The following ASXL3 variants were observed in gnomAD, a reference collection of about 807,000 sequenced individuals.
ASXL3 encodes the protein ASXL transcriptional regulator 3.
In ASXL3, 34 loss-of-function variants were observed where a neutral mutation model predicts 170.6. The observed-to-expected ratio is 0.20, with a 90% CI of 0.15 to 0.27. The LOEUF (loss-of-function observed/expected upper bound fraction) is 0.27, where lower values mean the gene tolerates loss of function less well. ASXL3 is among the 10% of genes least tolerant of loss of function. The probability of loss-of-function intolerance (pLI) is 1.00; values close to 1 mark genes in which losing one functional copy is unlikely to be tolerated. For synonymous variants in ASXL3, 1,002 were observed against 989.1 expected (o/e 1.01, Z -0.24); for missense variants, 2,592 against 2,695.3 (o/e 0.96, Z 0.85).
rs911856074 is a variant in ASXL3 at position 33,674,867 on chromosome 18, C to A, written c.715+3001C>A. ...TCTCCTGACCTCATGATCCACCTGCCTCGGCTTCCCAAAGTGCTGGGATTA... is the reference window on the plus strand; with the variant it reads ...TCTCCTGACCTCATGATCCACCTGCATCGGCTTCCCAAAGTGCTGGGATTA... On this transcript the variant is annotated intron_variant, in intron 7 of 11. Transcript: ENST00000269197. Among the ~76,000 whole-genome samples the A allele has an allele frequency of 4.6e-5, 7 of 152,276 alleles. No homozygotes were observed. In the East Asian group the frequency reaches 1.2e-3, roughly 25 times the overall value.
At chr18:33,643,017 T>G (rs956137336) in intron 2 of ASXL3, among the ~76,000 whole-genome samples, 1 of 151,900 alleles carries the variant, frequency 6.6e-6, no homozygotes, top group Non-Finnish European at 1.5e-5. Flanking sequence ...TTAAGTTATA[T>G]TTTTAAAATT....
intron 8 of ASXL3, among the ~76,000 whole-genome samples, chr18:33,704,604 A>T (rs72947450): frequency 0.069 from 10,487 of 152,122 alleles, 374 homozygotes; most frequent in South Asian, 0.11. Flanking sequence ...GCAGTCAGAT[A>T]TGCAAACTTA....
At chr18:33,578,916 G>A in intron 1 of ASXL3, 1 of 195,880 alleles carries the variant, frequency 5.1e-6, no homozygotes. Flanking sequence ...GTCCGGGACC[G>A]CCCGGGACAC....
chr18:33,596,553 T>C (rs1480916087), intron 1 of ASXL3, among the ~76,000 whole-genome samples: 3 of 152,204 alleles, frequency 2.0e-5, no homozygotes, highest in Non-Finnish European at 4.4e-5. Context: ...TCTAAAGATA[T>C]ATTTTACAAC....
At chr18:33,661,435 C>T (rs115103510) in intron 4 of ASXL3, among the ~76,000 whole-genome samples, 181 bp from the exon 5 acceptor site, 331 of 152,084 alleles carry the variant, frequency 2.2e-3, no homozygotes, top group African/African-American at 7.7e-3. Context: ...AATGGAATTG[C>T]GGCCACACAG....
intron 8 of ASXL3, among the ~76,000 whole-genome samples, chr18:33,724,140 C>G (rs1218641166): frequency 6.6e-6 from 1 of 152,048 alleles, no homozygotes; most frequent in African/African-American, 2.4e-5. Flanking sequence ...TTTGCAATGT[C>G]TTTGTGATAT....
intron 1 of ASXL3, among the ~76,000 whole-genome samples, chr18:33,595,545 T>C (rs536330369): frequency 6.6e-6 from 1 of 152,304 alleles, no homozygotes; most frequent in East Asian, 1.9e-4. Context: ...GGAGAGTTTA[T>C]TGGAAGACTC....
chr18:33,633,085 A>G (rs932672843), intron 2 of ASXL3, among the ~76,000 whole-genome samples: 1 of 152,122 alleles, frequency 6.6e-6, no homozygotes, highest in African/African-American at 2.4e-5. Flanking sequence ...CCCACGTGGT[A>G]TGGCCTTTTC....
chr18:33,589,734 T>C (rs1168357567), intron 1 of ASXL3, among the ~76,000 whole-genome samples: 1 of 152,150 alleles, frequency 6.6e-6, no homozygotes, highest in Non-Finnish European at 1.5e-5. Flanking sequence ...GGAATAACCT[T>C]AGTATATCAA....
In ASXL3 at chr18:33,746,204, G is replaced by T; in HGVS notation, c.6356G>T (p.Ser2119Ile). 1 of 1,613,872 alleles carries T rather than the reference G, an allele frequency of 6.2e-7. No individual in the cohort carries two copies. Among genetic ancestry groups the T allele is most frequent in the Non-Finnish European group, 8.5e-7 (1 of 1,179,872 alleles). ...CAGTTAAAAGCATTCGCGCTAAAAA[G>T]TGCAGATTTCTCTTCCTATTTGCTT... ...KEQLKAFALKSADFSSYLLSE... is the reference protein window; with the variant it reads ...KEQLKAFALKIADFSSYLLSE... The change falls in exon 12 of 12, where the codon AGT becomes ATT. Residue 2119 changes from serine to isoleucine, a missense_variant. Physicochemically the swap from Ser to Ile is moderately radical, Grantham distance 142. Coordinates refer to ENST00000269197, the MANE Select transcript of ASXL3 (RefSeq NM_030632.3).
At chr18:33,709,676 A>T (rs2067022920) in intron 8 of ASXL3, among the ~76,000 whole-genome samples, 2 of 152,244 alleles carry the variant, frequency 1.3e-5, no homozygotes, top group African/African-American at 4.8e-5. Context: ...CTTGTTGCTG[A>T]TAACAAAAAA....
chr18:33,644,565 A>G (rs1440789491), intron 2 of ASXL3, among the ~76,000 whole-genome samples: 2 of 151,224 alleles, frequency 1.3e-5, no homozygotes, highest in Non-Finnish European at 3.0e-5. Context: ...TTTGTAAAAT[A>G]ACACCACATA....
Position 33,742,956 on chromosome 18 carries a change from A to G in ASXL3, c.3108A>G (p.Arg1036=). The G allele has an allele frequency of 6.2e-7, 1 of 1,613,826 alleles. No homozygotes were observed. Among genetic ancestry groups the G allele is most frequent in the Non-Finnish European group, 8.5e-7 (1 of 1,179,838 alleles). Residue 1036 remains arginine (R), a synonymous_variant, in exon 12 of 12, where the codon CGA becomes CGG. Coordinates refer to ENST00000269197, the MANE Select transcript of ASXL3 (RefSeq NM_030632.3). ...KSQPVSKPES[R]ASTSTSVSGG... ...AACCAGTCTCCAAACCTGAGTCTCG[A>G]GCATCCACTAGCACATCTGTCAGTG...
At chr18:33,702,190 T>G (rs1053228554) in intron 8 of ASXL3, among the ~76,000 whole-genome samples, 1 of 152,198 alleles carries the variant, frequency 6.6e-6, no homozygotes, top group Non-Finnish European at 1.5e-5. Flanking sequence ...CCTTTTCTGT[T>G]AAATCCAACA....
At chr18:33,651,193 A>T (rs1487040325) in intron 4 of ASXL3, among the ~76,000 whole-genome samples, 2 of 152,148 alleles carry the variant, frequency 1.3e-5, no homozygotes, top group Non-Finnish European at 2.9e-5. Flanking sequence ...CCCTTGGCTT[A>T]TCCCAATAAA....
At chr18:33,643,724 A>G (rs923616129) in intron 2 of ASXL3, among the ~76,000 whole-genome samples, 1 of 151,826 alleles carries the variant, frequency 6.6e-6, no homozygotes, top group Non-Finnish European at 1.5e-5. Flanking sequence ...ATCTTTAGAA[A>G]ACTTTTAATT....
intron 1 of ASXL3, among the ~76,000 whole-genome samples, chr18:33,590,111 G>GTGTTTTTTTTTTTT (rs2065064535): frequency 1.2e-5 from 1 of 83,184 alleles, no homozygotes; most frequent in Non-Finnish European, 2.2e-5. Context: ...TGCTTTCTAT[G>GTGTTTTTTTTTTTT]TTTTTTTTTT....
At position 33,744,390 on chromosome 18, in the gene ASXL3, G is replaced by T. The variant is rs61736019; in HGVS notation, c.4542G>T (p.Val1514=). ...PVRTEASVQP[V]ACPQVSVISR... is the part of the protein sequence containing the mutation. Reference sequence around the variant, plus strand: ...GGACAGAGGCATCCGTACAGCCCGTGGCGTGTCCTCAGGTGTCTGTGATTA... The same window carrying T: ...GGACAGAGGCATCCGTACAGCCCGTTGCGTGTCCTCAGGTGTCTGTGATTA... Residue 1514 remains valine, a synonymous_variant, in exon 12 of 12, where the codon GTG becomes GTT. Transcript: ENST00000269197. The T allele has an allele frequency of 1.7e-5, 27 of 1,613,696 alleles. No homozygotes were observed. The African/African-American group carries it at 2.7e-4, about 16-fold the overall frequency.
chr18:33,714,087 C>T (rs1955814289), intron 8 of ASXL3, among the ~76,000 whole-genome samples: 1 of 152,082 alleles, frequency 6.6e-6, no homozygotes, highest in South Asian at 2.1e-4. Context: ...CCTTTTTGCC[C>T]ACAAAAGGCC....
Sources: allele counts gnomAD v4.1 joint callset (sites outside exome capture counted in the v4.1 genomes callset), GRCh38; gene constraint gnomAD v4.1.1; transcripts MANE v1.5; gene names NCBI Gene and HGNC (gene_info 2026-07-23, HGNC 2026-07-21).